The following DNMT3A variants were observed in gnomAD, a reference collection of about 807,000 sequenced individuals.
DNMT3A encodes the protein DNA methyltransferase 3 alpha, also known as DNA (cytosine-5)-methyltransferase 3A.
In DNMT3A, 267 loss-of-function variants were observed where a neutral mutation model predicts 117.6. That is an observed-to-expected ratio of 2.27 (90% CI 2.05 to 2.51). DNMT3A has a LOEUF of 2.51. Ranked by LOEUF, DNMT3A falls within the 30% of genes most tolerant of loss-of-function variation. The pLI is 0.00. For missense variants in DNMT3A, 1,029 were observed against 1,260.2 expected (o/e 0.82, Z 2.78); for synonymous variants, 432 against 474.8 (o/e 0.91, Z 1.17).
chr2:25,246,066 T>A lies in DNMT3A; in HGVS notation c.1430-2A>T. On this transcript the variant is annotated splice_acceptor_variant, in intron 11 of 22. Transcript: ENST00000321117. LOFTEE classifies it high-confidence loss of function. ...GCCGCACCTCGTACACCAGCCGCTC[T>A]GCAAGGGGAGGAGAGCTGGCGTCAG... 6.2e-7 allele frequency: 1 copy of A among 1,614,204 alleles called. No individual in the cohort carries two copies. The highest frequency in any genetic ancestry group is 8.5e-7 in the Non-Finnish European group (1 of 1,180,012).
Position 25,244,410 on chromosome 2 carries a change from A to G in DNMT3A, c.1668-72T>C. On this transcript the variant is annotated intron_variant, in intron 14 of 22. Transcript: ENST00000321117. Reference sequence around the variant, plus strand: ...GGGAGGCCAAGGTGTGCTACCTGGAATGGAAAGACCGGGTCTGGAGCATGG... The same window carrying G: ...GGGAGGCCAAGGTGTGCTACCTGGAGTGGAAAGACCGGGTCTGGAGCATGG... 8 of 1,538,918 alleles carry G rather than the reference A, an allele frequency of 5.2e-6. No homozygotes were observed. The South Asian group carries it at 9.2e-5, about 18-fold the overall frequency.
chr2:25,242,499 A>G (rs1382560772), intron 16 of DNMT3A, among the ~76,000 whole-genome samples: 1 of 152,144 alleles, frequency 6.6e-6, no homozygotes, highest in Non-Finnish European at 1.5e-5. Context: ...TGATTTAAGA[A>G]GGCCTCAAGG....
At position 25,251,928 on chromosome 2, in the gene DNMT3A, G is replaced by C. The variant is rs1049794912; in HGVS notation, c.640-3676C>G. 2.6e-4 allele frequency: 126 copies of C among 477,580 alleles called. No homozygotes were observed. Among genetic ancestry groups the C allele is most frequent in the African/African-American group, 2.4e-3 (118 of 49,052 alleles). 29.6% of individuals were successfully genotyped at this position (477,580 alleles called of 1,614,324 possible). A position where few individuals can be genotyped will look rare whatever the true frequency, so the allele number is the denominator to read the frequency against. ...TGCAGTTACCACTGCCCGGGCTCCC[G>C]GCCGGCTGCTCTTCCTGTCCCCCGA... On this transcript the variant is annotated intron_variant, in intron 6 of 22. Transcript: ENST00000321117.
chr2:25,329,678 CACACACACACA>C (rs1336421115), intron 1 of DNMT3A, among the ~76,000 whole-genome samples: 48 of 102,174 alleles, frequency 4.7e-4, no homozygotes, highest in African/African-American at 1.4e-3. Context: ...AGACCCCACA[CACACACACACA>C]CACACACACA....
In DNMT3A at chr2:25,281,657, G is replaced by A. The variant is rs1044245188; in HGVS notation, c.448+784C>T. 4 of 1,065,436 alleles carry A rather than the reference G, an allele frequency of 3.8e-6. No homozygotes were observed. Among genetic ancestry groups the A allele is most frequent in the Admixed American group, 5.3e-5 (1 of 18,730 alleles). The allele number at this position is 1,065,436 out of a possible 1,614,324, so 66.0% of individuals were successfully genotyped here. On this transcript the variant is annotated intron_variant, in intron 4 of 22. Coordinates refer to ENST00000321117, the MANE Select transcript of DNMT3A (RefSeq NM_022552.5). This position sits in a 1 kb window ranked among gnomAD's most constrained non-coding sequence, Gnocchi z 4.8. ...ATCAAATGTGATAATGTATGAGAAA[G>A]CGCTTTGTAAACTGTGAAGCCCTGT...
chr2:25,251,873 C>T (rs1367919078), intron 6 of DNMT3A: 8 of 426,456 alleles, frequency 1.9e-5, no homozygotes, highest in Middle Eastern at 6.0e-4. Context: ...CAACCCAACT[C>T]CTGGGCCACC....
intron 1 of DNMT3A, among the ~76,000 whole-genome samples, chr2:25,323,677 G>A (rs542184559): frequency 2.0e-5 from 3 of 152,286 alleles, no homozygotes; most frequent in South Asian, 4.1e-4. Flanking sequence ...GATTCAACCA[G>A]CCCGCAGATT....
chr2:25,259,952 C>A (rs570747941), intron 6 of DNMT3A, among the ~76,000 whole-genome samples: 2 of 152,336 alleles, frequency 1.3e-5, no homozygotes, highest in South Asian at 2.1e-4. Flanking sequence ...GTCTTTCCCC[C>A]CCAACCCTGT....
chr2:25,283,371 A>G (rs1573421835), intron 3 of DNMT3A, among the ~76,000 whole-genome samples: 2 of 151,810 alleles, frequency 1.3e-5, no homozygotes, highest in East Asian at 3.9e-4. Flanking sequence ...AAAAAAAAAA[A>G]AAAAAAAAAA....
Position 25,240,353 on chromosome 2 carries a change from A to AT in DNMT3A, c.2270dup (p.Asn757LysfsTer8). ...TGTCACTAACGCCCATGGCCACCACATTCTCAAAGAGCCAGAAGAAGGGGC... is the reference window on the plus strand; with the variant it reads ...TGTCACTAACGCCCATGGCCACCACATTTCTCAAAGAGCCAGAAGAAGGGGC... On this transcript the variant is annotated frameshift_variant, in exon 19 of 23. Coordinates refer to ENST00000321117, the MANE Select transcript of DNMT3A (RefSeq NM_022552.5). LOFTEE classifies it high-confidence loss of function. 1 of 1,614,194 alleles carries AT rather than the reference A, an allele frequency of 6.2e-7. No individual in the cohort carries two copies. The highest frequency in any genetic ancestry group is 8.5e-7 in the Non-Finnish European group (1 of 1,180,032).
chr2:25,241,575 AC>A lies in DNMT3A; in HGVS notation c.2068del (p.Val690SerfsTer15). 1 of 1,613,750 alleles carries A rather than the reference AC, an allele frequency of 6.2e-7. No homozygotes were observed. On this transcript the variant is annotated frameshift_variant, in exon 17 of 23. Transcript: ENST00000321117. LOFTEE classifies it high-confidence loss of function. ...GCATGGACATACATGCTTCTGTGTG[AC>A]GCTGCGGACGTCCCCGACGTACATG... ...KIMYVGDVRS[V>X]TQKHIQEWGP...
chr2:25,288,386 G>A (rs1031705913), intron 3 of DNMT3A, among the ~76,000 whole-genome samples: 14 of 151,914 alleles, frequency 9.2e-5, no homozygotes, highest in Non-Finnish European at 1.3e-4. Context: ...AGCCAAGATC[G>A]CTCACTTTTT....
In DNMT3A at chr2:25,237,142, C is replaced by A; in HGVS notation, c.2409-137G>T. 3 of 735,250 alleles carry A rather than the reference C, an allele frequency of 4.1e-6. No homozygotes were observed. Among genetic ancestry groups the A allele is most frequent in the South Asian group, 1.8e-5 (1 of 54,250 alleles). 45.5% of individuals were successfully genotyped at this position (735,250 alleles called of 1,614,324 possible). A position where few individuals can be genotyped will look rare whatever the true frequency, so the allele number is the denominator to read the frequency against. On this transcript the variant is annotated intron_variant, in intron 20 of 22. Coordinates refer to ENST00000321117, the MANE Select transcript of DNMT3A (RefSeq NM_022552.5). The surrounding 1 kb of genome is among the most constrained non-coding windows in gnomAD (Gnocchi z 5.4). ...GCCCCTTCCCCAAATCACGCACACA[C>A]GTCATAACTCTCTTCAAACTCCCCG...
At position 25,252,548 on chromosome 2, in the gene DNMT3A, C is replaced by A. The variant is rs1675711531; in HGVS notation, c.640-4296G>T. 6.6e-6 allele frequency among the ~76,000 whole-genome samples: 1 copy of A among 151,582 alleles called. No homozygotes were observed. Among genetic ancestry groups the A allele is most frequent in the African/African-American group, 2.4e-5 (1 of 41,292 alleles). ...GTTCCCAGGGCCCGCCCAGGCCGGG[C>A]TGCAGGGAGCGCCCCGCCTTCGGGA... is the stretch of plus-strand genomic sequence containing the variant. On this transcript the variant is annotated intron_variant, in intron 6 of 22. Transcript: ENST00000321117. This position sits in a 1 kb window ranked among gnomAD's most constrained non-coding sequence, Gnocchi z 5.5.
At chr2:25,316,647 G>C (rs1338555628) in intron 1 of DNMT3A, among the ~76,000 whole-genome samples, 2 of 152,190 alleles carry the variant, frequency 1.3e-5, no homozygotes, top group African/African-American at 2.4e-5. Context: ...CAGCCATGGG[G>C]AGTGGGCTCT....
chr2:25,248,883 ATACTT>A (rs1470386342), intron 6 of DNMT3A, among the ~76,000 whole-genome samples: 1 of 151,994 alleles, frequency 6.6e-6, no homozygotes, highest in Non-Finnish European at 1.5e-5. Flanking sequence ...TATTATTATT[ATACTT>A]TAAGTTTTAG....
At chr2:25,310,576 C>T (rs1268651706) in intron 2 of DNMT3A, among the ~76,000 whole-genome samples, 2 of 152,128 alleles carry the variant, frequency 1.3e-5, no homozygotes, top group Admixed American at 6.5e-5. Context: ...CTCTGCACTC[C>T]GCCTCCCTGA....
chr2:25,244,461 A>C, intron 14 of DNMT3A, 79 bp downstream of exon 14: 1 of 1,422,696 alleles, frequency 7.0e-7, no homozygotes, highest in Non-Finnish European at 9.7e-7. Flanking sequence ...TCTGTGGGGA[A>C]GGGAGAGGAG....
intron 6 of DNMT3A, among the ~76,000 whole-genome samples, chr2:25,251,678 G>GC (rs963152892): frequency 1.3e-5 from 2 of 152,126 alleles, no homozygotes; most frequent in Non-Finnish European, 2.9e-5. Flanking sequence ...GTGCTCTCCC[G>GC]CCCCCCACCA....
Sources: allele counts gnomAD v4.1 joint callset (sites outside exome capture counted in the v4.1 genomes callset), GRCh38; gene constraint gnomAD v4.1.1; non-coding constraint Gnocchi (gnomAD v3.1); transcripts MANE v1.5; gene names NCBI Gene and HGNC (gene_info 2026-07-23, HGNC 2026-07-21).